The following AXDND1 variants were observed in gnomAD, a reference collection of about 807,000 sequenced individuals.
AXDND1 encodes the protein axonemal dynein light chain domain containing 1, also known as axonemal dynein light chain domain-containing protein 1.
AXDND1 carries 110 observed loss-of-function variants against 137.5 expected under a neutral mutation model. The ratio of observed to expected loss-of-function variants is 0.80; its 90% CI spans 0.69 to 0.94. The LOEUF (loss-of-function observed/expected upper bound fraction) is 0.94. Among genes scored for constraint, AXDND1 ranks in the 40% least tolerant of loss-of-function variants. The pLI, the probability that AXDND1 is intolerant of heterozygous loss-of-function variation, is 0.00. For missense variants in AXDND1, 1,191 were observed against 1,169.8 expected (o/e 1.02, Z -0.26); for synonymous variants, 414 against 399.7 (o/e 1.04, Z -0.43).
At chr1:179,529,622 G>A (rs1003109180) in intron 23 of AXDND1, among the ~76,000 whole-genome samples, 9 of 152,184 alleles carry the variant, frequency 5.9e-5, no homozygotes, top group Non-Finnish European at 1.3e-4. Flanking sequence ...AGGTGGCCTT[G>A]TTATGTAGAT....
At chr1:179,444,844 G>T in intron 15 of AXDND1, 126 bp from the exon 16 acceptor site, 1 of 587,488 alleles carries the variant, frequency 1.7e-6, no homozygotes, top group Non-Finnish European at 3.0e-6. Flanking sequence ...TCTCTTTGGA[G>T]CATAATAATA....
At chr1:179,530,384 C>A (rs1391136462) in intron 23 of AXDND1, among the ~76,000 whole-genome samples, 1 of 152,066 alleles carries the variant, frequency 6.6e-6, no homozygotes, top group Non-Finnish European at 1.5e-5. Context: ...ATCTGCTAAC[C>A]CCCACCAGTC....
intron 17 of AXDND1, among the ~76,000 whole-genome samples, chr1:179,481,373 C>G (rs539398443): frequency 1.5e-4 from 23 of 152,188 alleles, no homozygotes; most frequent in South Asian, 8.3e-4. Flanking sequence ...TTTCTTAATC[C>G]AGTCTATCAT....
At chr1:179,428,907 G>A (rs529285760) in intron 12 of AXDND1, among the ~76,000 whole-genome samples, 79 of 152,210 alleles carry the variant, frequency 5.2e-4, no homozygotes, top group African/African-American at 1.9e-3. Context: ...TGCCGGGCGT[G>A]GTGGCTCACG....
chr1:179,538,514 C>T, intron 25 of AXDND1, among the ~76,000 whole-genome samples: 1 of 152,168 alleles, frequency 6.6e-6, no homozygotes, highest in East Asian at 1.9e-4. Flanking sequence ...GAGTGAGTTT[C>T]TTAATCCTGA....
chr1:179,553,915 T>A (rs1360597883), intron 25 of AXDND1, among the ~76,000 whole-genome samples: 1 of 149,188 alleles, frequency 6.7e-6, no homozygotes, highest in East Asian at 1.9e-4. Flanking sequence ...CTGGCTAATT[T>A]TTTTTTTTTT....
chr1:179,552,447 A>G (rs1439420569), intron 25 of AXDND1: 1 of 682,126 alleles, frequency 1.5e-6, no homozygotes, highest in Admixed American at 2.1e-5. Flanking sequence ...GGGACTATTA[A>G]CACACTTTAA....
chr1:179,375,645 T>TTCA (rs1668545529), intron 4 of AXDND1, among the ~76,000 whole-genome samples: 1 of 151,846 alleles, frequency 6.6e-6, no homozygotes, highest in African/African-American at 2.4e-5. Flanking sequence ...ACATGAAGCA[T>TTCA]TCATCATTTT....
At chr1:179,392,669 C>A (rs987878985) in intron 9 of AXDND1, among the ~76,000 whole-genome samples, 2 of 152,142 alleles carry the variant, frequency 1.3e-5, no homozygotes, top group African/African-American at 4.8e-5. Context: ...GCCATTCTTG[C>A]AGTAGTAGGG....
chr1:179,390,634 A>G (rs888887174), intron 9 of AXDND1, among the ~76,000 whole-genome samples: 1 of 152,112 alleles, frequency 6.6e-6, no homozygotes, highest in African/African-American at 2.4e-5. Context: ...GAATAAAACA[A>G]GTTTTTATTT....
intron 15 of AXDND1, 118 bp from the exon 16 acceptor site, chr1:179,444,852 A>G (rs1424280597): frequency 4.9e-6 from 3 of 610,364 alleles, no homozygotes; most frequent in Non-Finnish European, 8.5e-6. Flanking sequence ...GAGCATAATA[A>G]TAATAGGATA....
intron 2 of AXDND1, among the ~76,000 whole-genome samples, 188 bp downstream of exon 2, chr1:179,366,794 A>G (rs527422997): frequency 6.6e-6 from 1 of 151,862 alleles, no homozygotes; most frequent in East Asian, 1.9e-4. Context: ...CTGTTTCACT[A>G]CTCCATCTAA....
chr1:179,508,832 T>TAA (rs1316631534), intron 20 of AXDND1, among the ~76,000 whole-genome samples: 1 of 152,132 alleles, frequency 6.6e-6, no homozygotes, highest in Non-Finnish European at 1.5e-5. Flanking sequence ...TTCCTCATCT[T>TAA]AAAAAATGAG....
intron 11 of AXDND1, among the ~76,000 whole-genome samples, chr1:179,409,405 G>GAAC (rs1653501225): frequency 6.6e-6 from 1 of 152,046 alleles, no homozygotes; most frequent in African/African-American, 2.4e-5. Flanking sequence ...CTGCAAACAG[G>GAAC]AACAATTTGA....
At chr1:179,478,695 A>G (rs1368560326) in intron 17 of AXDND1, among the ~76,000 whole-genome samples, 1 of 152,228 alleles carries the variant, frequency 6.6e-6, no homozygotes, top group African/African-American at 2.4e-5. Flanking sequence ...CTCATTACTT[A>G]TGCAGATTTC....
chr1:179,405,661 A>G (rs916315359), intron 11 of AXDND1, among the ~76,000 whole-genome samples: 5 of 151,852 alleles, frequency 3.3e-5, no homozygotes, highest in East Asian at 1.9e-4. Flanking sequence ...CCAATTTGTT[A>G]GTGGATTGTT....
At chr1:179,417,261 GAT>G (rs1178558476) in intron 12 of AXDND1, among the ~76,000 whole-genome samples, 4 of 150,682 alleles carry the variant, frequency 2.7e-5, no homozygotes, top group African/African-American at 9.8e-5. Flanking sequence ...TTATCAGATA[GAT>G]AGTTTGCAAA....
chr1:179,506,095 A>G (rs1668514959), intron 20 of AXDND1, among the ~76,000 whole-genome samples: 2 of 152,228 alleles, frequency 1.3e-5, no homozygotes, highest in African/African-American at 4.8e-5. Context: ...ACTGCAGCCT[A>G]GAACAGCTAC....
intron 16 of AXDND1, among the ~76,000 whole-genome samples, chr1:179,462,764 A>G (rs11803915): frequency 0.23 from 35,007 of 150,962 alleles, 4,338 homozygotes; most frequent in East Asian, 0.35. Context: ...TGTTTTTTTC[A>G]GTTGGTAGGC....
Sources: allele counts gnomAD v4.1 joint callset (sites outside exome capture counted in the v4.1 genomes callset), GRCh38; gene constraint gnomAD v4.1.1; transcripts MANE v1.5; gene names NCBI Gene and HGNC (gene_info 2026-07-23, HGNC 2026-07-21).